The following GAD2 variants were observed in gnomAD, a reference collection of about 807,000 sequenced individuals.
The protein encoded by GAD2 is 65 kDa glutamic acid decarboxylase.
GAD2 carries 22 observed loss-of-function variants against 80.1 expected under a neutral mutation model. That is an observed-to-expected ratio of 0.27 (90% confidence interval 0.20 to 0.39). The LOEUF is 0.39. GAD2 is among the 10% of genes least tolerant of loss of function. The pLI is 1.00. For missense variants in GAD2, 624 were observed against 738.4 expected, an observed-to-expected ratio of 0.85 and a Z score of 1.80; for synonymous variants, 274 against 256.9, an observed-to-expected ratio of 1.07 and a Z score of -0.64.
intron 8 of GAD2, among the ~76,000 whole-genome samples, chr10:26,257,529 C>G (rs1347654002): frequency 6.6e-6 from 1 of 152,206 alleles, no homozygotes; most frequent in African/African-American, 2.4e-5. Flanking sequence ...ATAAATCTGA[C>G]CAAGACGCAT....
intron 8 of GAD2, among the ~76,000 whole-genome samples, chr10:26,266,047 A>G (rs982262612): frequency 6.6e-6 from 1 of 152,254 alleles, no homozygotes; most frequent in Non-Finnish European, 1.5e-5. Flanking sequence ...AGCTTTTCTT[A>G]ACATATGGAC....
At chr10:26,256,420 T>C (rs1844944189) in intron 8 of GAD2, among the ~76,000 whole-genome samples, 1 of 152,202 alleles carries the variant, frequency 6.6e-6, no homozygotes, top group Non-Finnish European at 1.5e-5. Flanking sequence ...TATTATTAAA[T>C]GTACATACCT....
chr10:26,243,051 C>G (rs1844763291), intron 7 of GAD2, among the ~76,000 whole-genome samples: 1 of 151,980 alleles, frequency 6.6e-6, no homozygotes, highest in African/African-American at 2.4e-5. Flanking sequence ...AACCCCCCCC[C>G]TTTTTTTGGT....
chr10:26,227,505 C>T (rs972553449), intron 6 of GAD2, among the ~76,000 whole-genome samples: 1 of 152,200 alleles, frequency 6.6e-6, no homozygotes. Flanking sequence ...TCTTAGGATA[C>T]GTCTTCCCCT....
chr10:26,251,025 G>A (rs373754716), intron 8 of GAD2, among the ~76,000 whole-genome samples: 12 of 147,526 alleles, frequency 8.1e-5, no homozygotes, highest in Middle Eastern at 7.1e-3. Context: ...GACTACAGGC[G>A]TCCACCACCA....
intron 15 of GAD2, 70 bp from the exon 16 acceptor site, chr10:26,300,718 C>T: frequency 7.1e-7 from 1 of 1,400,760 alleles, no homozygotes; most frequent in Non-Finnish European, 1.0e-6. Flanking sequence ...ACGCTGCTTG[C>T]TGTTGGGTTC....
chr10:26,220,860 T>C (rs1844444705), intron 4 of GAD2, among the ~76,000 whole-genome samples: 1 of 152,226 alleles, frequency 6.6e-6, no homozygotes, highest in Non-Finnish European at 1.5e-5. Context: ...AAAGTAATAG[T>C]TCTGTCTATC....
intron 15 of GAD2, among the ~76,000 whole-genome samples, chr10:26,300,397 G>C (rs1451662279): frequency 1.3e-5 from 2 of 152,090 alleles, no homozygotes; most frequent in Non-Finnish European, 2.9e-5. Context: ...CTTACATTTT[G>C]GTAACAATCC....
chr10:26,260,743 T>G (rs1844999868), intron 8 of GAD2, among the ~76,000 whole-genome samples: 1 of 152,212 alleles, frequency 6.6e-6, no homozygotes, highest in African/African-American at 2.4e-5. Context: ...CAGTTTACAC[T>G]TCCCCAGTAC....
At chr10:26,298,334 G>A (rs1209730755) in intron 15 of GAD2, among the ~76,000 whole-genome samples, 1 of 152,148 alleles carries the variant, frequency 6.6e-6, no homozygotes, top group Non-Finnish European at 1.5e-5. Flanking sequence ...CTTGCAATGA[G>A]TGAATATACA....
chr10:26,226,745 G>C (rs58945266), intron 6 of GAD2, among the ~76,000 whole-genome samples: 19,156 of 152,200 alleles, frequency 0.13, 4,012 homozygotes, highest in African/African-American at 0.43. Flanking sequence ...CTGTGTCATA[G>C]CTCCATCAAT....
Position 26,217,678 on chromosome 10 carries a change from C to T in GAD2, c.136+9C>T. The T allele has an allele frequency of 6.2e-7, 1 of 1,613,148 alleles. No individual in the cohort carries two copies. The highest frequency in any genetic ancestry group is 8.5e-7 in the Non-Finnish European group (1 of 1,179,586). On this transcript the variant is annotated intron_variant, in intron 2 of 15. Coordinates refer to ENST00000376261, the MANE Select transcript of GAD2 (RefSeq NM_001134366.2). The surrounding 1 kb of genome is among the most constrained non-coding windows in gnomAD (Gnocchi z 4.9). ...CGGAAACAAACTGTGCGGTGAGTGC[C>T]CAGGGACCGGGGCGGCCAAGGTCGG...
At chr10:26,273,865 C>T (rs562074516) in intron 11 of GAD2, among the ~76,000 whole-genome samples, 165 bp downstream of exon 11, 8 of 152,082 alleles carry the variant, frequency 5.3e-5, no homozygotes, top group South Asian at 2.1e-4. Context: ...TGTGGGTAAA[C>T]AACAGAAAAA....
At chr10:26,291,773 C>G (rs1208691890) in intron 13 of GAD2, among the ~76,000 whole-genome samples, 1 of 152,176 alleles carries the variant, frequency 6.6e-6, no homozygotes, top group Non-Finnish European at 1.5e-5. Flanking sequence ...TTAAACAGCT[C>G]CAGTCCAAGA....
rs375255614 is a variant in GAD2 at position 26,221,664 on chromosome 10, T to C, written c.521-2223T>C. 2.6e-5 allele frequency among the ~76,000 whole-genome samples: 4 copies of C among 152,158 alleles called. No homozygotes were observed. In the East Asian group the frequency reaches 5.8e-4, roughly 22 times the overall value. On this transcript the variant is annotated intron_variant, in intron 4 of 15. Transcript: ENST00000376261. The stretch of plus-strand genomic sequence containing the variant: ...ACTGATCATGAGCACAGGGTCAGAG[T>C]TGCCTGAGGCTGGTTGTTCGCAGAG...
chr10:26,270,494 A>G, intron 9 of GAD2, 146 bp from the exon 10 acceptor site: 1 of 689,450 alleles, frequency 1.5e-6, no homozygotes, highest in East Asian at 2.5e-5. Flanking sequence ...AATTTGTCCC[A>G]GACCCCGGGG....
chr10:26,243,927 G>A (rs897196108), intron 7 of GAD2, among the ~76,000 whole-genome samples: 8 of 151,956 alleles, frequency 5.3e-5, no homozygotes, highest in South Asian at 2.1e-4. Context: ...GTTAAGCCTT[G>A]TATGTAAAAT....
chr10:26,256,574 T>C (rs948310982), intron 8 of GAD2, among the ~76,000 whole-genome samples: 1 of 152,200 alleles, frequency 6.6e-6, no homozygotes, highest in Non-Finnish European at 1.5e-5. Flanking sequence ...TCTCATGACA[T>C]TGATGTTTTT....
intron 10 of GAD2, 84 bp downstream of exon 10, chr10:26,270,840 T>C: frequency 2.1e-6 from 2 of 934,886 alleles, no homozygotes; most frequent in Non-Finnish European, 3.5e-6. Flanking sequence ...GTTTTCTCTT[T>C]TTTTAACTTG....
Sources: gnomAD v4.1 joint callset for allele counts (sites outside exome capture counted in the v4.1 genomes callset) on GRCh38, gnomAD v4.1.1 for gene constraint, Gnocchi (gnomAD v3.1) non-coding constraint, MANE v1.5 for transcripts, NCBI Gene and HGNC (gene_info 2026-07-23, HGNC 2026-07-21) for gene names.